Variants in FLI1 observed in about 807,000 individuals in gnomAD.
FLI1 encodes the protein Fli-1 proto-oncogene, ETS transcription factor.
FLI1 carries 13 observed loss-of-function variants against 53.1 expected under a neutral mutation model. That is an observed-to-expected ratio of 0.24 (90% CI 0.16 to 0.39). FLI1 has a LOEUF of 0.39. FLI1 is among the 10% of genes least tolerant of loss of function. The probability of loss-of-function intolerance (pLI) is 1.00; values close to 1 mark genes in which losing one functional copy is unlikely to be tolerated. For synonymous variants in FLI1, 244 were observed against 236.7 expected (o/e 1.03, Z -0.28); for missense variants, 424 against 600.5 (o/e 0.71, Z 3.07).
At chr11:128,791,005 A>T (rs1359701612) in intron 5 of FLI1, among the ~76,000 whole-genome samples, 1 of 151,786 alleles carries the variant, frequency 6.6e-6, no homozygotes. Context: ...GAACAGGGCC[A>T]TCCTGGGGTT....
chr11:128,707,769 C>T (rs191820633), intron 1 of FLI1, among the ~76,000 whole-genome samples: 1 of 152,274 alleles, frequency 6.6e-6, no homozygotes, highest in East Asian at 1.9e-4. Flanking sequence ...CAGGGTATGA[C>T]CCAGACTCTT....
chr11:128,743,238 TA>T (rs1426446217), intron 1 of FLI1, among the ~76,000 whole-genome samples: 1 of 151,584 alleles, frequency 6.6e-6, no homozygotes, highest in South Asian at 2.1e-4. Flanking sequence ...AAATAAAGAA[TA>T]AAAAAATAAA....
At position 128,694,856 on chromosome 11, in the gene FLI1, G is replaced by A. The variant is rs529503943; in HGVS notation, c.18+580G>A. On this transcript the variant is annotated intron_variant, in intron 1 of 8. Transcript: ENST00000527786. ...TCCAGATGGAAGCCCCTGTTTACAT[G>A]TCAGCGCTTTCCCTTCCTCTCGGCA... Among the ~76,000 whole-genome samples the A allele has an allele frequency of 1.2e-3, 185 of 152,284 alleles. 1 individual carries two copies. The highest frequency in any genetic ancestry group is 9.7e-3 in the South Asian group (47 of 4,832).
chr11:128,742,813 G>A (rs1304203424), intron 1 of FLI1, among the ~76,000 whole-genome samples: 1 of 152,230 alleles, frequency 6.6e-6, no homozygotes, highest in Non-Finnish European at 1.5e-5. Context: ...ATGCTGACGA[G>A]TATGCATTTG....
intron 7 of FLI1, among the ~76,000 whole-genome samples, chr11:128,808,687 A>T (rs1480931930): frequency 6.6e-6 from 1 of 152,072 alleles, no homozygotes; most frequent in Non-Finnish European, 1.5e-5. Flanking sequence ...GCTAAAACCC[A>T]GGCTGCTTGG....
chr11:128,714,714 T>TC, intron 1 of FLI1, among the ~76,000 whole-genome samples: 1 of 148,508 alleles, frequency 6.7e-6, no homozygotes, highest in East Asian at 2.0e-4. Flanking sequence ...AAGGACCTTT[T>TC]TTTTTTTTTT....
At chr11:128,717,777 C>T (rs2135729968) in intron 1 of FLI1, among the ~76,000 whole-genome samples, 1 of 152,296 alleles carries the variant, frequency 6.6e-6, no homozygotes, top group South Asian at 2.1e-4. Flanking sequence ...GCCTGGGTGC[C>T]TGAAGTTGAA....
chr11:128,695,167 G>T (rs1938002178), intron 1 of FLI1, among the ~76,000 whole-genome samples: 2 of 152,344 alleles, frequency 1.3e-5, no homozygotes, highest in South Asian at 4.1e-4. Flanking sequence ...CCCAGCCGCC[G>T]CCGCCAAGCC....
chr11:128,688,973 CA>C (rs1315767420), upstream of FLI1, among the ~76,000 whole-genome samples: 1 of 152,142 alleles, frequency 6.6e-6, no homozygotes, highest in Non-Finnish European at 1.5e-5. Flanking sequence ...ATGTGAGGGG[CA>C]GAGCCAAGAT....
intron 3 of FLI1, among the ~76,000 whole-genome samples, chr11:128,772,047 C>T (rs991324318): frequency 7.9e-5 from 11 of 138,928 alleles, no homozygotes; most frequent in Admixed American, 6.4e-4. Context: ...CACACACACA[C>T]ACACACACAC....
intron 5 of FLI1, 136 bp downstream of exon 5, chr11:128,782,159 A>G (rs1941935792): frequency 3.9e-6 from 2 of 508,350 alleles, no homozygotes; most frequent in East Asian, 3.2e-5. Context: ...ACAAGCCAAA[A>G]TTTTCGCCAC....
chr11:128,744,851 G>A (rs963233656), intron 1 of FLI1, among the ~76,000 whole-genome samples: 3 of 152,126 alleles, frequency 2.0e-5, no homozygotes, highest in African/African-American at 7.2e-5. Context: ...ACAATGGAAG[G>A]CAATGGTTAA....
intron 1 of FLI1, among the ~76,000 whole-genome samples, chr11:128,757,044 T>TTTTCCTTC (rs1940895679): frequency 8.4e-5 from 9 of 107,114 alleles, no homozygotes; most frequent in Admixed American, 2.1e-4. Flanking sequence ...CTAGCTAATT[T>TTTTCCTTC]TTTCTTTCTT....
chr11:128,686,105 C>T (rs1388687297), upstream of FLI1: 2 of 331,928 alleles, frequency 6.0e-6, no homozygotes, highest in Non-Finnish European at 1.2e-5. Flanking sequence ...GGAAGAGCAG[C>T]GCAGCTGGAT....
At chr11:128,745,582 C>T (rs1273219092) in intron 1 of FLI1, among the ~76,000 whole-genome samples, 1 of 152,216 alleles carries the variant, frequency 6.6e-6, no homozygotes, top group African/African-American at 2.4e-5. Context: ...CCGTGAATCA[C>T]GGAAAAGAAG....
At chr11:128,799,234 T>TG (rs1591383968) in intron 5 of FLI1, among the ~76,000 whole-genome samples, 1 of 151,986 alleles carries the variant, frequency 6.6e-6, no homozygotes, top group East Asian at 1.9e-4. Context: ...TATTTAAATT[T>TG]GGGAATCACT....
At chr11:128,709,801 C>T (rs1938711082) in intron 1 of FLI1, among the ~76,000 whole-genome samples, 2 of 152,248 alleles carry the variant, frequency 1.3e-5, no homozygotes, top group Non-Finnish European at 2.9e-5. Context: ...CTTCTATTAT[C>T]TTCCCCATGT....
chr11:128,718,968 T>A, intron 1 of FLI1, among the ~76,000 whole-genome samples: 1 of 152,258 alleles, frequency 6.6e-6, no homozygotes, highest in Non-Finnish European at 1.5e-5. Context: ...ATGTTCAACA[T>A]AAACGAACTT....
chr11:128,711,498 A>G (rs954561418), intron 1 of FLI1, among the ~76,000 whole-genome samples: 5 of 152,256 alleles, frequency 3.3e-5, no homozygotes, highest in African/African-American at 1.2e-4. Context: ...AGAATGTAAT[A>G]CTTTATTTCC....
Sources: gnomAD v4.1 joint callset for allele counts (sites outside exome capture counted in the v4.1 genomes callset) on GRCh38, gnomAD v4.1.1 for gene constraint, MANE v1.5 for transcripts, NCBI Gene and HGNC (gene_info 2026-07-23, HGNC 2026-07-21) for gene names.